The following EYA3 variants were observed in gnomAD, a reference collection of about 807,000 sequenced individuals.
EYA3 encodes protein phosphatase EYA3.
Under a neutral mutation model 80.0 loss-of-function variants are expected in EYA3, and 39 were observed. The observed-to-expected ratio is 0.49, with a 90% CI of 0.38 to 0.64. The LOEUF (loss-of-function observed/expected upper bound fraction) is 0.64, where lower values mean the gene tolerates loss of function less well. Ranked by LOEUF, EYA3 falls within the 30% of genes least tolerant of loss-of-function variation. The pLI, the probability that EYA3 is intolerant of heterozygous loss-of-function variation, is 0.00. For synonymous variants in EYA3, 206 were observed against 232.8 expected, an observed-to-expected ratio of 0.88 and a Z score of 1.05; for missense variants, 523 against 676.1, an observed-to-expected ratio of 0.77 and a Z score of 2.51.
At chr1:28,020,113 A>C (rs1468405245) in intron 7 of EYA3, among the ~76,000 whole-genome samples, 2 of 152,202 alleles carry the variant, frequency 1.3e-5, no homozygotes, top group African/African-American at 4.8e-5. Flanking sequence ...ACAATTTTCA[A>C]ACCACTTAAT....
intron 16 of EYA3, among the ~76,000 whole-genome samples, chr1:27,981,301 T>C (rs1041956716): frequency 6.6e-6 from 1 of 152,178 alleles, no homozygotes; most frequent in Non-Finnish European, 1.5e-5. Flanking sequence ...GAACTGAGAC[T>C]GAGGAAAAAT....
intron 13 of EYA3, among the ~76,000 whole-genome samples, chr1:27,996,871 T>C (rs1031701452): frequency 1.3e-5 from 2 of 152,190 alleles, no homozygotes; most frequent in African/African-American, 2.4e-5. Context: ...TTGGTTTAAC[T>C]TTCACTATAA....
At chr1:28,071,563 A>G (rs537363417) in intron 1 of EYA3, among the ~76,000 whole-genome samples, 4 of 152,190 alleles carry the variant, frequency 2.6e-5, no homozygotes, top group Non-Finnish European at 5.9e-5. Flanking sequence ...GAAAAACGTG[A>G]CTTTTCTAAC....
chr1:27,995,521 A>G, intron 13 of EYA3, among the ~76,000 whole-genome samples: 1 of 151,388 alleles, frequency 6.6e-6, no homozygotes, highest in Non-Finnish European at 1.5e-5. Context: ...TAGATTGCTT[A>G]AGCTCAGGAG....
intron 1 of EYA3, among the ~76,000 whole-genome samples, chr1:28,074,157 ATAACT>A (rs1008194660): frequency 3.3e-5 from 5 of 152,204 alleles, no homozygotes; most frequent in African/African-American, 1.2e-4. Flanking sequence ...CATTACATAG[ATAACT>A]TAAGGTCAAA....
At chr1:27,995,524 C>T (rs902383848) in intron 13 of EYA3, among the ~76,000 whole-genome samples, 7 of 150,250 alleles carry the variant, frequency 4.7e-5, no homozygotes, top group Non-Finnish European at 1.0e-4. Context: ...ATTGCTTAAG[C>T]TCAGGAGTTC....
At chr1:28,012,239 CTA>C (rs1456827910) in intron 9 of EYA3, among the ~76,000 whole-genome samples, 1 of 152,122 alleles carries the variant, frequency 6.6e-6, no homozygotes, top group African/African-American at 2.4e-5. Flanking sequence ...CAACTTTTCT[CTA>C]TGTTTGAAAT....
intron 1 of EYA3, among the ~76,000 whole-genome samples, chr1:28,074,999 C>T (rs1645152261): frequency 6.6e-6 from 1 of 152,182 alleles, no homozygotes; most frequent in Non-Finnish European, 1.5e-5. Context: ...GCAGAGACTT[C>T]CTTAAATGCT....
At chr1:28,060,193 G>A (rs1290233005) in intron 1 of EYA3, among the ~76,000 whole-genome samples, 1 of 152,208 alleles carries the variant, frequency 6.6e-6, no homozygotes, top group African/African-American at 2.4e-5. Flanking sequence ...CTGATAGGAG[G>A]AAGGTAAGAA....
intron 16 of EYA3, among the ~76,000 whole-genome samples, chr1:27,983,134 G>C (rs115044236): frequency 0.015 from 2,359 of 152,224 alleles, 57 homozygotes; most frequent in African/African-American, 0.054. Flanking sequence ...TTTAGGCTTT[G>C]CAGGCCCTAT....
rs546924484 is a variant in EYA3, at chr1:28,004,456, C to T, written c.910-37G>A. 8 of 1,470,360 alleles carry T rather than the reference C, an allele frequency of 5.4e-6. No homozygotes were observed. In the African/African-American group the frequency reaches 1.1e-4, roughly 20 times the overall value. The allele number at this position is 1,470,360 out of a possible 1,614,324, so 91.1% of individuals were successfully genotyped here. A position where few individuals can be genotyped will look rare whatever the true frequency, so the allele number is the denominator to read the frequency against. ...AAATATAAAAAATGAGTATATTTTC[C>T]AATTACAATGGAATGAAACCAGAAA... On this transcript the variant is annotated intron_variant, in intron 10 of 17. Coordinates refer to ENST00000373871, the MANE Select transcript of EYA3 (RefSeq NM_001990.4).
chr1:27,977,250 C>T (rs1273782281), intron 17 of EYA3: 4 of 1,537,332 alleles, frequency 2.6e-6, no homozygotes, highest in Middle Eastern at 1.7e-4. Flanking sequence ...CAAATGAAAA[C>T]ATGAGATAAT....
rs114687654 is a variant in EYA3 at position 28,044,348 on chromosome 1, C to T, written c.78-1698G>A. ...GTTCCCCGCTTTCTACATCCGTCAA[C>T]GAGAATAAAAATGAAACCTACCTCA... On this transcript the variant is annotated intron_variant, in intron 3 of 17. Transcript: ENST00000373871. 5.4e-3 allele frequency among the ~76,000 whole-genome samples: 828 copies of T among 152,240 alleles called. 12 individuals are homozygous for T. Among genetic ancestry groups the T allele is most frequent in the African/African-American group, 0.019 (792 of 41,508 alleles).
chr1:28,075,190 A>G (rs1266414740), intron 1 of EYA3, among the ~76,000 whole-genome samples: 1 of 152,224 alleles, frequency 6.6e-6, no homozygotes, highest in East Asian at 1.9e-4. Context: ...CTAAGCATGC[A>G]GCACACAACC....
chr1:27,974,988 G>A (rs953204822), intron 17 of EYA3, among the ~76,000 whole-genome samples: 1 of 152,102 alleles, frequency 6.6e-6, no homozygotes, highest in African/African-American at 2.4e-5. Context: ...TGGCCCAGGT[G>A]AAAAATTAGT....
At chr1:28,070,269 CTAAG>C (rs984955007) in intron 1 of EYA3, among the ~76,000 whole-genome samples, 4 of 151,794 alleles carry the variant, frequency 2.6e-5, no homozygotes, top group South Asian at 2.1e-4. Context: ...ATGAAGAAAT[CTAAG>C]TAAGGGGCCG....
chr1:28,014,105 C>T (rs1402601895), intron 8 of EYA3, among the ~76,000 whole-genome samples: 1 of 152,028 alleles, frequency 6.6e-6, no homozygotes, highest in Non-Finnish European at 1.5e-5. Context: ...CTACCTAAAA[C>T]AATCAAGTTT....
In EYA3 at chr1:27,985,366, A is replaced by G. The variant is rs556557413; in HGVS notation, c.1540+3169T>C. Among the ~76,000 whole-genome samples, 3 of 152,196 alleles carry G rather than the reference A, an allele frequency of 2.0e-5. No homozygotes were observed. The South Asian group carries it at 6.2e-4, about 32-fold the overall frequency. ...AGTGCTGGGATTACAGGTGTGAACC[A>G]CTGTACCTGGCCCTTGGGTCTCATT... is the stretch of plus-strand genomic sequence containing the variant. On this transcript the variant is annotated intron_variant, in intron 16 of 17. Transcript: ENST00000373871.
intron 2 of EYA3, among the ~76,000 whole-genome samples, chr1:28,052,351 C>T (rs377694985): frequency 2.6e-5 from 4 of 152,080 alleles, no homozygotes; most frequent in Non-Finnish European, 4.4e-5. Context: ...TAATCAAGAC[C>T]GTGTGGTACT....
Sources: gnomAD v4.1 joint callset for allele counts (sites outside exome capture counted in the v4.1 genomes callset) on GRCh38, gnomAD v4.1.1 for gene constraint, MANE v1.5 for transcripts, NCBI Gene and HGNC (gene_info 2026-07-23, HGNC 2026-07-21) for gene names.